Variants in CASP10 observed in about 807,000 individuals in gnomAD.
The protein encoded by CASP10 is caspase 10, also known as caspase-10.
A neutral mutation model predicts 48.5 loss-of-function variants in CASP10; 41 were observed. That is an observed-to-expected ratio of 0.85 (90% CI 0.66 to 1.10). The LOEUF (loss-of-function observed/expected upper bound fraction) is 1.10. CASP10 is among the 50% of genes least tolerant of loss of function. The pLI is 0.00. For missense variants in CASP10, 614 were observed against 614.5 expected, an observed-to-expected ratio of 1.00 and a Z score of 0.01; for synonymous variants, 232 against 238.4, an observed-to-expected ratio of 0.97 and a Z score of 0.25.
intron 8 of CASP10, chr2:201,208,590 T>G (rs1217551941): frequency 6.5e-6 from 1 of 152,976 alleles, no homozygotes; most frequent in South Asian, 2.1e-4. Flanking sequence ...GATAGGAGAT[T>G]CATTGTAAGA....
intron 1 of CASP10, among the ~76,000 whole-genome samples, chr2:201,184,594 G>A (rs1944346030): frequency 6.6e-6 from 1 of 152,222 alleles, no homozygotes; most frequent in African/African-American, 2.4e-5. Flanking sequence ...AAAGTGCTGG[G>A]ATTATAGGCG....
chr2:201,226,018 T>C (rs751186879), downstream of CASP10, among the ~76,000 whole-genome samples: 26 of 152,160 alleles, frequency 1.7e-4, no homozygotes, highest in Non-Finnish European at 2.9e-4. Context: ...TGGGAAATGA[T>C]ATCTGCCACG....
chr2:201,205,870 C>T lies in CASP10; in HGVS notation c.722-12C>T, dbSNP rs937130514. On this transcript the variant is annotated splice_polypyrimidine_tract_variant and intron_variant, in intron 6 of 9. Coordinates refer to ENST00000286186, the MANE Select transcript of CASP10 (RefSeq NM_032977.4). ...GGGAAGATATTTGGAGTCTGAGTAC[C>T]TCTCTTTCTAGGTAACAGAGCCACA... 1.3e-6 allele frequency: 2 copies of T among 1,532,176 alleles called. No homozygotes were observed. Among genetic ancestry groups the T allele is most frequent in the African/African-American group, 1.4e-5 (1 of 73,434 alleles). 94.9% of individuals were successfully genotyped at this position (1,532,176 alleles called of 1,614,324 possible). A position where few individuals can be genotyped will look rare whatever the true frequency, so the allele number is the denominator to read the frequency against.
Position 201,221,368 on chromosome 2 carries a change from T to C in CASP10, c.*3627T>C. ...TGTGACCTGCACATATATATCCAGA[T>C]GGCCTGAAGTAACTGAAGAATCACA... On this transcript the variant is annotated 3_prime_UTR_variant, in exon 10 of 10. Transcript: ENST00000286186. The C allele has an allele frequency of 1.3e-6, 1 of 752,036 alleles. No homozygotes were observed. Among genetic ancestry groups the C allele is most frequent in the Non-Finnish European group, 1.6e-6 (1 of 616,724 alleles). The allele number at this position is 752,036 out of a possible 1,614,324, so 46.6% of individuals were successfully genotyped here.
intron 6 of CASP10, among the ~76,000 whole-genome samples, chr2:201,204,716 A>G (rs928513355): frequency 7.9e-5 from 12 of 152,198 alleles, no homozygotes; most frequent in Admixed American, 7.2e-4. Flanking sequence ...AGGCTATCCC[A>G]GTGTCTATTT....
At chr2:201,228,907 C>G (rs1304237033) in intron 9 of CASP10, 2 of 1,612,724 alleles carry the variant, frequency 1.2e-6, no homozygotes. Flanking sequence ...CAAAGTTCCC[C>G]TTTTATTTCT....
intron 7 of CASP10, among the ~76,000 whole-genome samples, chr2:201,207,611 C>A (rs1945248268): frequency 6.6e-6 from 1 of 151,798 alleles, no homozygotes. Context: ...ACAAAAATTA[C>A]CTGGGCATGG....
rs772629649 is a variant in CASP10 at position 201,209,421 on chromosome 2, C to T, written c.1274C>T (p.Ser425Phe). ...CTGAACCCTGAGCAGGCACCCACTT[C>T]CCTGCAGGACAGTATTCCTGCCGAG... ...DALNPEQAPTSLQDSIPAEAD... is the reference protein window; with the variant it reads ...DALNPEQAPTFLQDSIPAEAD... The change falls in exon 9 of 10, where the codon TCC becomes TTC. Residue 425 changes from serine (S) to phenylalanine (F), a missense_variant. Ser to Phe is a radical substitution (Grantham distance 155). Coordinates refer to ENST00000286186, the MANE Select transcript of CASP10 (RefSeq NM_032977.4). 1.9e-6 allele frequency: 3 copies of T among 1,614,176 alleles called. No homozygotes were observed. The South Asian group carries it at 3.3e-5, about 18-fold the overall frequency.
Position 201,218,573 on chromosome 2 carries a change from A to T in CASP10, c.*832A>T. On this transcript the variant is annotated 3_prime_UTR_variant, in exon 10 of 10. Coordinates refer to ENST00000286186, the MANE Select transcript of CASP10 (RefSeq NM_032977.4). ...CACCTCAGCTTCTCAAAGTTCTGGG[A>T]CTACAGGCATGAAATACTGTGCCTG... The T allele has an allele frequency of 2.0e-6, 2 of 983,092 alleles. No individual in the cohort carries two copies. The highest frequency in any genetic ancestry group is 1.1e-4 in the East Asian group (1 of 8,808). The allele number at this position is 983,092 out of a possible 1,614,324, so 60.9% of individuals were successfully genotyped here. A position where few individuals can be genotyped will look rare whatever the true frequency, so the allele number is the denominator to read the frequency against.
chr2:201,209,658 T>C, intron 9 of CASP10, 96 bp downstream of exon 9: 1 of 1,283,150 alleles, frequency 7.8e-7, no homozygotes. Context: ...GTGAGAGTTC[T>C]ACGTTGTTCT....
At chr2:201,200,647 GA>G (rs1449637008) in intron 5 of CASP10, 1 of 1,422,838 alleles carries the variant, frequency 7.0e-7, no homozygotes, top group African/African-American at 1.4e-5. Flanking sequence ...GCATTTGAGG[GA>G]ATCTCAGCTT....
intron 9 of CASP10, chr2:201,212,828 A>G (rs551120990): frequency 6.6e-6 from 1 of 152,348 alleles, no homozygotes; most frequent in South Asian, 2.1e-4. Context: ...TAGAATAAAC[A>G]TTATGGAGAA....
chr2:201,202,936 A>G (rs552034516), intron 5 of CASP10, among the ~76,000 whole-genome samples: 2 of 152,232 alleles, frequency 1.3e-5, no homozygotes, highest in Admixed American at 6.5e-5. Flanking sequence ...CTCGATTGCC[A>G]TTTTTATTTG....
At chr2:201,193,729 A>G (rs1241773021) in intron 4 of CASP10, among the ~76,000 whole-genome samples, 1 of 152,178 alleles carries the variant, frequency 6.6e-6, no homozygotes, top group African/African-American at 2.4e-5. Flanking sequence ...TTCTGATTCT[A>G]ATATGGGAGT....
At position 201,208,181 on chromosome 2, in the gene CASP10, C is replaced by T. The variant is rs1291372845; in HGVS notation, c.920C>T (p.Ala307Val). 1.2e-6 allele frequency: 2 copies of T among 1,611,612 alleles called. No individual in the cohort carries two copies. Among genetic ancestry groups the T allele is most frequent in the Non-Finnish European group, 1.7e-6 (2 of 1,178,970 alleles). The change falls in exon 8 of 10, where the codon GCT (alanine) becomes GTT (valine). Residue 307 changes from alanine (A) to valine (V), a missense_variant and splice_region_variant. Transcript: ENST00000286186. Reference sequence around the variant, plus strand: ...GACAGACAAGGAACCCATAAAGATGCTGGTAAGAAAGTCTGGAACAGTTTA... The same window carrying T: ...GACAGACAAGGAACCCATAAAGATGTTGGTAAGAAAGTCTGGAACAGTTTA... The part of the protein sequence containing the change: ...LKDRQGTHKD[A>V]EILSHVFQWL...
chr2:201,197,913 A>T (rs1944861870), intron 5 of CASP10, among the ~76,000 whole-genome samples: 2 of 152,094 alleles, frequency 1.3e-5, no homozygotes, highest in Non-Finnish European at 2.9e-5. Flanking sequence ...TCTATTTTCA[A>T]TTTTTTGAGG....
intron 9 of CASP10, chr2:201,214,040 G>A (rs1390934147): frequency 6.6e-6 from 1 of 152,104 alleles, no homozygotes; most frequent in Admixed American, 6.6e-5. Context: ...CAGTATAGGG[G>A]TATTTTTACT....
intron 3 of CASP10, 141 bp downstream of exon 3, chr2:201,187,940 T>C: frequency 2.8e-6 from 2 of 714,136 alleles, no homozygotes; most frequent in South Asian, 1.5e-5. Context: ...GCTTTGGTGC[T>C]GGATGAGCCT....
In CASP10 at chr2:201,219,993, A is replaced by G. The variant is rs1945680997; in HGVS notation, c.*2252A>G. ...AATGCTCATAAAAAAATGTCAAGGA[A>G]TGAAGAACAACAACTCTCAGTGGTG... On this transcript the variant is annotated 3_prime_UTR_variant, in exon 10 of 10. Transcript: ENST00000286186. 1 of 985,342 alleles carries G rather than the reference A, an allele frequency of 1.0e-6. No homozygotes were observed. Among genetic ancestry groups the G allele is most frequent in the Non-Finnish European group, 1.2e-6 (1 of 829,936 alleles). The allele number at this position is 985,342 out of a possible 1,614,324, so 61.0% of individuals were successfully genotyped here.
Sources: gnomAD v4.1 joint callset for allele counts (sites outside exome capture counted in the v4.1 genomes callset) on GRCh38, gnomAD v4.1.1 for gene constraint, MANE v1.5 for transcripts, NCBI Gene and HGNC (gene_info 2026-07-23, HGNC 2026-07-21) for gene names.